The following IQSEC1 variants were observed in gnomAD, a reference collection of about 807,000 sequenced individuals.
IQSEC1 encodes IQ motif and Sec7 domain ArfGEF 1.
Under a neutral mutation model 91.0 loss-of-function variants are expected in IQSEC1, and 31 were observed. The ratio of observed to expected loss-of-function variants is 0.34; its 90% CI spans 0.26 to 0.46. IQSEC1 has a LOEUF of 0.46. Ranked by LOEUF, IQSEC1 falls within the 20% of genes least tolerant of loss-of-function variation. The pLI, the probability that IQSEC1 is intolerant of heterozygous loss-of-function variation, is 1.00. For synonymous variants in IQSEC1, 699 were observed against 662.6 expected, an observed-to-expected ratio of 1.05 and a Z score of -0.84; for missense variants, 1,388 against 1,575.6, an observed-to-expected ratio of 0.88 and a Z score of 2.02.
At chr3:13,235,013 G>A (rs374602121) in intron 1 of IQSEC1, among the ~76,000 whole-genome samples, 7 of 152,290 alleles carry the variant, frequency 4.6e-5, no homozygotes, top group African/African-American at 7.2e-5. Flanking sequence ...GCCGGGGCAT[G>A]GGGCCCACGG....
chr3:12,945,234 G>A (rs1049616116), intron 1 of IQSEC1, among the ~76,000 whole-genome samples: 4 of 152,094 alleles, frequency 2.6e-5, no homozygotes, highest in Non-Finnish European at 5.9e-5. Flanking sequence ...TGGTGGCCTG[G>A]GGCAGACTTT....
At chr3:13,264,106 G>A (rs1386286740) in intron 1 of IQSEC1, among the ~76,000 whole-genome samples, 2 of 152,294 alleles carry the variant, frequency 1.3e-5, no homozygotes, top group Admixed American at 1.3e-4. Flanking sequence ...GCCGGACGGC[G>A]CCGGCCAGGC....
At chr3:13,263,665 A>C (rs1473638316) in intron 1 of IQSEC1, among the ~76,000 whole-genome samples, 1 of 151,194 alleles carries the variant, frequency 6.6e-6, no homozygotes, top group Non-Finnish European at 1.5e-5. Flanking sequence ...CTGGTCTTGA[A>C]CTCCTGACCT....
At chr3:13,177,625 G>C (rs73132645) in intron 1 of IQSEC1, among the ~76,000 whole-genome samples, 4,558 of 152,314 alleles carry the variant, frequency 0.03, 239 homozygotes, top group African/African-American at 0.095. Flanking sequence ...TTTTTGTGTG[G>C]CCCCTGGGGG....
intron 1 of IQSEC1, among the ~76,000 whole-genome samples, chr3:13,224,627 C>T (rs1433791111): frequency 1.3e-5 from 2 of 152,186 alleles, no homozygotes; most frequent in East Asian, 3.9e-4. Flanking sequence ...TTCAGTGCCA[C>T]AGGCCTGACC....
chr3:13,026,885 T>C (rs1361180423), intron 1 of IQSEC1, among the ~76,000 whole-genome samples: 1 of 149,324 alleles, frequency 6.7e-6, no homozygotes, highest in Non-Finnish European at 1.5e-5. Context: ...TTTTGTTTGT[T>C]TTTTTTTTTA....
rs1292315868 is a variant in IQSEC1 at position 13,211,574 on chromosome 3, G to C, written c.273-47441C>G. ...CCCTTCCCCTAGTAGGAGCCCACAG[G>C]GCCAGCAGGAGAGTCACCATCCTTG... is the stretch of plus-strand genomic sequence containing the variant. On this transcript the variant is annotated intron_variant, in intron 1 of 15. Transcript: ENST00000648114. The surrounding 1 kb of genome is among the most constrained non-coding windows in gnomAD (Gnocchi z 5.3). Among the ~76,000 whole-genome samples, 3 of 152,106 alleles carry C rather than the reference G, an allele frequency of 2.0e-5. No individual in the cohort carries two copies. The highest frequency in any genetic ancestry group is 4.4e-5 in the Non-Finnish European group (3 of 68,014).
At chr3:13,074,201 A>G (rs574201831), upstream of IQSEC1, among the ~76,000 whole-genome samples, 1 of 152,324 alleles carries the variant, frequency 6.6e-6, no homozygotes, top group East Asian at 1.9e-4. Context: ...GGCTTCTGCC[A>G]TCAGACGGGG....
At chr3:13,208,446 C>T (rs539454046) in intron 1 of IQSEC1, among the ~76,000 whole-genome samples, 64 of 152,254 alleles carry the variant, frequency 4.2e-4, no homozygotes, top group Non-Finnish European at 8.2e-4. Flanking sequence ...TTCCGTCCCT[C>T]GTCCACCTGG....
intron 1 of IQSEC1, among the ~76,000 whole-genome samples, chr3:13,191,951 G>A (rs357119): frequency 0.69 from 105,040 of 152,088 alleles, 37,218 homozygotes; most frequent in African/African-American, 0.84. Context: ...CTCTTAAGGA[G>A]TTCAGTTATG....
At chr3:12,950,735 G>A (rs562918224) in intron 1 of IQSEC1, among the ~76,000 whole-genome samples, 42 of 148,898 alleles carry the variant, frequency 2.8e-4, no homozygotes, top group African/African-American at 8.4e-4. Context: ...CTTCACCCCC[G>A]GGGTTCATGC....
Position 13,214,146 on chromosome 3 carries a change from C to T in IQSEC1, c.273-50013G>A, listed in dbSNP as rs1325732670. Among the ~76,000 whole-genome samples the T allele has an allele frequency of 1.3e-5, 2 of 152,218 alleles. No individual in the cohort carries two copies. Among genetic ancestry groups the T allele is most frequent in the Non-Finnish European group, 2.9e-5 (2 of 68,050 alleles). ...CTGGTCTCTCTGCTCCAGTGTCATT[C>T]TCCCCTCCTGCCAAAGGGTCCCAAC... On this transcript the variant is annotated intron_variant, in intron 1 of 15. Coordinates refer to the IQSEC1 transcript ENST00000648114. The surrounding 1 kb of genome is among the most constrained non-coding windows in gnomAD (Gnocchi z 4.5).
intron 1 of IQSEC1, among the ~76,000 whole-genome samples, chr3:12,981,820 C>G (rs1701477815): frequency 6.6e-6 from 1 of 152,196 alleles, no homozygotes; most frequent in Non-Finnish European, 1.5e-5. Context: ...GCCTCGAGTC[C>G]GCCATGGGGT....
intron 1 of IQSEC1, among the ~76,000 whole-genome samples, chr3:13,220,268 A>G (rs1036992021): frequency 1.3e-5 from 2 of 152,230 alleles, no homozygotes; most frequent in African/African-American, 4.8e-5. Context: ...CCAGCCCCAG[A>G]CCTTGATCGC....
At chr3:13,085,724 C>T (rs1705724914) in intron 2 of IQSEC1, among the ~76,000 whole-genome samples, 1 of 152,244 alleles carries the variant, frequency 6.6e-6, no homozygotes, top group Non-Finnish European at 1.5e-5. Flanking sequence ...GCTGTTACCC[C>T]ATTTCACAGA....
rs1226841922 is a variant in IQSEC1 at position 13,165,535 on chromosome 3, GGCGTGTGTGTGTGTGT to G, written c.273-1418_273-1403del. Among the ~76,000 whole-genome samples the G allele has an allele frequency of 2.5e-4, 22 of 89,048 alleles. No homozygotes were observed. The East Asian group carries it at 2.6e-3, about 10-fold the overall frequency. 58.4% of individuals were successfully genotyped at this position (89,048 alleles called of 152,430 possible). A position where few individuals can be genotyped will look rare whatever the true frequency, so the allele number is the denominator to read the frequency against. ...GCGGGGGGGTGGGGGGTGGGGGGGT[GGCGTGTGTGTGTGTGT>G]GTGTGTGTGTGTGTGTGTGTGTGTG... On this transcript the variant is annotated intron_variant, in intron 1 of 15. Coordinates refer to the IQSEC1 transcript ENST00000648114.
intron 2 of IQSEC1, among the ~76,000 whole-genome samples, chr3:13,113,845 G>A (rs1446544403): frequency 6.6e-5 from 10 of 152,360 alleles, no homozygotes; most frequent in Middle Eastern, 3.4e-3. Flanking sequence ...TGGTGAAAGC[G>A]AAACAGTGGA....
chr3:13,082,549 C>T (rs888895321), intron 2 of IQSEC1, among the ~76,000 whole-genome samples: 3 of 152,218 alleles, frequency 2.0e-5, no homozygotes, highest in African/African-American at 7.2e-5. Flanking sequence ...CCTGGCCAGC[C>T]TGGAGGTCAG....
At chr3:13,033,539 A>G (rs1404691273) in intron 1 of IQSEC1, among the ~76,000 whole-genome samples, 3 of 152,044 alleles carry the variant, frequency 2.0e-5, no homozygotes, top group African/African-American at 7.3e-5. Context: ...ATATACATAT[A>G]TTTTTTAAAA....
Sources: allele counts gnomAD v4.1 joint callset (sites outside exome capture counted in the v4.1 genomes callset), GRCh38; gene constraint gnomAD v4.1.1; non-coding constraint Gnocchi (gnomAD v3.1); transcripts MANE v1.5; gene names NCBI Gene and HGNC (gene_info 2026-07-23, HGNC 2026-07-21).